DLGAP1: variants seen among roughly 807,000 people sequenced by gnomAD.
DLGAP1 encodes DLG associated protein 1.
Under a neutral mutation model 90.8 loss-of-function variants are expected in DLGAP1, and 11 were observed. That is an observed-to-expected ratio of 0.12 (90% CI 0.08 to 0.20). The LOEUF (loss-of-function observed/expected upper bound fraction) is 0.20, where lower values mean the gene tolerates loss of function less well. Ranked by LOEUF, DLGAP1 falls within the 10% of genes least tolerant of loss-of-function variation. The probability of loss-of-function intolerance (pLI) is 1.00; values close to 1 mark genes in which losing one functional copy is unlikely to be tolerated. For synonymous variants in DLGAP1, 558 were observed against 540.7 expected (o/e 1.03, Z -0.44); for missense variants, 1,050 against 1,333.8 (o/e 0.79, Z 3.31).
At chr18:3,756,142 C>T (rs190734109) in intron 5 of DLGAP1, among the ~76,000 whole-genome samples, 8 of 152,138 alleles carry the variant, frequency 5.3e-5, no homozygotes, top group Admixed American at 1.3e-4. Context: ...CTCCGCCTCC[C>T]GGGTTCACGC....
intron 2 of DLGAP1, among the ~76,000 whole-genome samples, chr18:4,125,500 C>T (rs1013328434): frequency 6.6e-6 from 1 of 152,154 alleles, no homozygotes; most frequent in African/African-American, 2.4e-5. Context: ...TGGCAAAAAG[C>T]CCCAGACTCA....
chr18:4,204,513 T>TTTTG (rs1555762766), intron 1 of DLGAP1, among the ~76,000 whole-genome samples: 5 of 151,632 alleles, frequency 3.3e-5, no homozygotes, highest in African/African-American at 1.2e-4. Flanking sequence ...TTGTGGTTTT[T>TTTTG]TTTTTGTTTT....
intron 9 of DLGAP1, among the ~76,000 whole-genome samples, chr18:3,551,176 T>TATATATATATATATATATACAC (rs1478108279): frequency 2.4e-4 from 1 of 4,138 alleles, no homozygotes; most frequent in African/African-American, 3.2e-4. Context: ...TATATATATA[T>TATATATATATATATATATACAC]ACACATACAT....
At chr18:4,405,022 G>A (rs1295595767) in intron 1 of DLGAP1, among the ~76,000 whole-genome samples, 1 of 152,070 alleles carries the variant, frequency 6.6e-6, no homozygotes, top group African/African-American at 2.4e-5. Flanking sequence ...CATTGTACGG[G>A]GAAAGAACAA....
intron 2 of DLGAP1, among the ~76,000 whole-genome samples, chr18:4,059,472 GA>G (rs1314255948): frequency 6.6e-6 from 1 of 152,202 alleles, no homozygotes; most frequent in Non-Finnish European, 1.5e-5. Context: ...GGCACTTTGG[GA>G]GGCCAAGACA....
intron 7 of DLGAP1, among the ~76,000 whole-genome samples, chr18:3,678,811 A>G (rs1056551668): frequency 2.6e-5 from 4 of 152,212 alleles, no homozygotes; most frequent in Non-Finnish European, 5.9e-5. Context: ...CCAGTAAAAG[A>G]AGGTGTGAAC....
chr18:4,269,629 C>G (rs895429802), intron 1 of DLGAP1, among the ~76,000 whole-genome samples: 1 of 152,222 alleles, frequency 6.6e-6, no homozygotes, highest in Non-Finnish European at 1.5e-5. Context: ...GCTGGCATTA[C>G]AGGCGTGAGC....
chr18:3,977,434 GTTTTTT>G (rs58599574), intron 3 of DLGAP1, among the ~76,000 whole-genome samples: 1 of 95,340 alleles, frequency 1.0e-5, no homozygotes, highest in Non-Finnish European at 2.0e-5. Flanking sequence ...TTTATTCTGT[GTTTTTT>G]TTTTTTTTTT....
intron 2 of DLGAP1, among the ~76,000 whole-genome samples, chr18:4,128,667 T>C (rs1015837228): frequency 2.0e-5 from 3 of 152,122 alleles, no homozygotes; most frequent in African/African-American, 7.2e-5. Flanking sequence ...AATACTGGCC[T>C]GAAGAAGCAG....
chr18:3,657,656 G>T lies in DLGAP1; in HGVS notation c.1591+71479C>A, dbSNP rs184000469. Among the ~76,000 whole-genome samples, 32 of 147,974 alleles carry T rather than the reference G, an allele frequency of 2.2e-4. 1 individual carries two copies. In the East Asian group the frequency reaches 6.2e-3, roughly 29 times the overall value. ...CTTGCTCTGTTGCCCAGGCTGGAGT[G>T]CAGTGGCGCGATCTCGGCTCACTGC... On this transcript the variant is annotated intron_variant, in intron 7 of 12. Transcript: ENST00000315677.
intron 2 of DLGAP1, among the ~76,000 whole-genome samples, chr18:4,072,978 G>A (rs1349335395): frequency 6.6e-6 from 1 of 152,096 alleles, no homozygotes; most frequent in Non-Finnish European, 1.5e-5. Context: ...AAGTCTACTT[G>A]GATTTAGAAT....
intron 1 of DLGAP1, among the ~76,000 whole-genome samples, chr18:4,320,728 ACACACACACACACACAC>A (rs2080664005): frequency 9.5e-5 from 3 of 31,664 alleles, no homozygotes; most frequent in Non-Finnish European, 1.5e-4. Context: ...ACACACACAC[ACACACACACACACACAC>A]ACACACACAC....
chr18:3,781,660 CT>C (rs769611437), intron 5 of DLGAP1, among the ~76,000 whole-genome samples: 11 of 152,212 alleles, frequency 7.2e-5, no homozygotes, highest in South Asian at 4.1e-4. Context: ...AATTTTGTAC[CT>C]TGTGTGTATA....
intron 6 of DLGAP1, among the ~76,000 whole-genome samples, chr18:3,741,064 C>T (rs62635840): frequency 5.8e-4 from 60 of 103,854 alleles, no homozygotes; most frequent in African/African-American, 1.7e-3. Flanking sequence ...ACCATCACCA[C>T]CACCACCACC....
At chr18:3,770,709 A>C (rs1380690992) in intron 5 of DLGAP1, among the ~76,000 whole-genome samples, 1 of 152,262 alleles carries the variant, frequency 6.6e-6, no homozygotes, top group Non-Finnish European at 1.5e-5. Flanking sequence ...ATACGCTATA[A>C]GGCAGAAGTA....
At chr18:3,516,547 C>T (rs1460802356) in intron 10 of DLGAP1, among the ~76,000 whole-genome samples, 3 of 152,048 alleles carry the variant, frequency 2.0e-5, no homozygotes, top group South Asian at 2.1e-4. Flanking sequence ...GAATGGATGT[C>T]GTATTCCTCT....
At chr18:3,964,121 T>C (rs1246552868) in intron 3 of DLGAP1, among the ~76,000 whole-genome samples, 1 of 152,186 alleles carries the variant, frequency 6.6e-6, no homozygotes, top group Non-Finnish European at 1.5e-5. Flanking sequence ...GAGCTGGATA[T>C]GTATACACAC....
rs150021332 is a variant in DLGAP1 at position 4,341,455 on chromosome 18, A to G, written c.-267+113551T>C. On this transcript the variant is annotated intron_variant, in intron 1 of 12. Coordinates refer to ENST00000315677, the MANE Select transcript of DLGAP1 (RefSeq NM_004746.4). ...AGGTAATGATCTAATGAAAGGACAT[A>G]ATGTTTCAGTGGACCTTAAATTTTC... is the stretch of plus-strand genomic sequence containing the variant. Among the ~76,000 whole-genome samples the G allele has an allele frequency of 6.7e-3, 1,025 of 152,278 alleles. 8 individuals carry two copies. Among genetic ancestry groups the G allele is most frequent in the African/African-American group, 0.024 (988 of 41,550 alleles).
In DLGAP1 at chr18:4,342,386, C is replaced by T. The variant is rs189531294; in HGVS notation, c.-267+112620G>A. Reference sequence around the variant, plus strand: ...TAAATGGATAAACACTCCCAAATATCTTACATTTTAAAAATTGGAAAGGAA... The same window carrying T: ...TAAATGGATAAACACTCCCAAATATTTTACATTTTAAAAATTGGAAAGGAA... On this transcript the variant is annotated intron_variant, in intron 1 of 12. Transcript: ENST00000315677. This position sits in a 1 kb window ranked among gnomAD's most constrained non-coding sequence, Gnocchi z 5.8. Among the ~76,000 whole-genome samples, 9 of 152,190 alleles carry T rather than the reference C, an allele frequency of 5.9e-5. No individual in the cohort carries two copies. Among genetic ancestry groups the T allele is most frequent in the Non-Finnish European group, 8.8e-5 (6 of 67,998 alleles).
Sources: allele counts gnomAD v4.1 joint callset (sites outside exome capture counted in the v4.1 genomes callset), GRCh38; gene constraint gnomAD v4.1.1; non-coding constraint Gnocchi (gnomAD v3.1); transcripts MANE v1.5; gene names NCBI Gene and HGNC (gene_info 2026-07-23, HGNC 2026-07-21).